TBX5: variants seen among roughly 807,000 people sequenced by gnomAD.
TBX5 encodes the protein T-box transcription factor TBX5.
Under a neutral mutation model 51.1 loss-of-function variants are expected in TBX5, and 8 were observed. The observed-to-expected ratio is 0.16, with a 90% CI of 0.09 to 0.28. The LOEUF is 0.28. Ranked by LOEUF, TBX5 falls within the 10% of genes least tolerant of loss-of-function variation. The pLI is 1.00. For missense variants in TBX5, 589 were observed against 671.7 expected (o/e 0.88, Z 1.36); for synonymous variants, 302 against 266.4 (o/e 1.13, Z -1.30).
At chr12:114,376,105 G>A (rs990121611) in intron 7 of TBX5, among the ~76,000 whole-genome samples, 5 of 151,986 alleles carry the variant, frequency 3.3e-5, no homozygotes, top group African/African-American at 1.2e-4. Context: ...AGGGATATAT[G>A]TATATCCCTC....
chr12:114,375,489 C>T (rs909277639), intron 7 of TBX5, among the ~76,000 whole-genome samples: 4 of 152,112 alleles, frequency 2.6e-5, no homozygotes, highest in African/African-American at 9.7e-5. Flanking sequence ...CCTGAATAGA[C>T]ATTTCTCAAA....
intron 6 of TBX5, among the ~76,000 whole-genome samples, chr12:114,386,263 T>C (rs547908231): frequency 6.6e-6 from 1 of 152,220 alleles, no homozygotes; most frequent in South Asian, 2.1e-4. Context: ...CAGAACAGGG[T>C]CTTTTTGCAC....
At chr12:114,400,972 G>A (rs944637931) in intron 3 of TBX5, among the ~76,000 whole-genome samples, 111 of 152,332 alleles carry the variant, frequency 7.3e-4, no homozygotes, top group African/African-American at 2.6e-3. Flanking sequence ...CCGTTCGCCT[G>A]CTCCACACGC....
In TBX5 at chr12:114,355,976, C is replaced by T. The variant is rs757158327; in HGVS notation, c.1113G>A (p.Glu371=). The T allele has an allele frequency of 5.9e-5, 96 of 1,614,016 alleles. No individual in the cohort carries two copies. The highest frequency in any genetic ancestry group is 8.1e-5 in the Non-Finnish European group (95 of 1,180,056). ...ACATGCAAGCTTGCCGCTGTGCCGA[C>T]TCTGTCCTGTAGGAGGCACCCAGGC... ...QQGLGASYRT[E]SAQRQACMYA... Residue 371 remains glutamate (E), a synonymous_variant, in exon 9 of 9, where the codon GAG becomes GAA. Coordinates refer to ENST00000405440, the MANE Select transcript of TBX5 (RefSeq NM_181486.4).
chr12:114,366,225 G>A lies in TBX5; in HGVS notation c.922C>T (p.Pro308Ser), dbSNP rs760334883. Residue 308 changes from proline to serine, a missense_variant, in exon 8 of 9, where the codon CCC becomes TCC. By Grantham distance (74) the Pro-to-Ser change is moderately conservative. Coordinates refer to ENST00000405440, the MANE Select transcript of TBX5 (RefSeq NM_181486.4). ...SGPSQDLLPPPNPYPLPQEHS... is the reference protein window; with the variant it reads ...SGPSQDLLPPSNPYPLPQEHS... ...TCCTGGGGCAGTGGGTATGGGTTGGGTGGAGGCAGGAGGTCCTGGGAGGGG... is the reference window on the plus strand; with the variant it reads ...TCCTGGGGCAGTGGGTATGGGTTGGATGGAGGCAGGAGGTCCTGGGAGGGG... 2.5e-6 allele frequency: 4 copies of A among 1,613,998 alleles called. No homozygotes were observed. Among genetic ancestry groups the A allele is most frequent in the Non-Finnish European group, 1.7e-6 (2 of 1,180,036 alleles).
At chr12:114,361,081 C>G (rs1869215336) in intron 8 of TBX5, among the ~76,000 whole-genome samples, 1 of 152,108 alleles carries the variant, frequency 6.6e-6, no homozygotes, top group Admixed American at 6.5e-5. Flanking sequence ...ACATTAAGTG[C>G]TCAATAAATA....
At chr12:114,403,645 GT>G (rs914342404) in intron 2 of TBX5, 106 bp downstream of exon 2, 251 of 1,496,264 alleles carry the variant, frequency 1.7e-4, no homozygotes, top group Non-Finnish European at 2.2e-4. Flanking sequence ...TCGTTTTGGG[GT>G]TTTTTTATTT....
intron 2 of TBX5, 24 bp from the exon 3 acceptor site, chr12:114,401,944 C>T (rs760135488): frequency 6.2e-7 from 1 of 1,606,426 alleles, no homozygotes; most frequent in Non-Finnish European, 8.5e-7. Flanking sequence ...AAAAAAGTCA[C>T]ACTAACAAGC....
chr12:114,387,907 G>C (rs1870910128), intron 6 of TBX5, among the ~76,000 whole-genome samples: 1 of 152,208 alleles, frequency 6.6e-6, no homozygotes, highest in Admixed American at 6.5e-5. Flanking sequence ...TGCGAACATA[G>C]CTCACTGCAG....
chr12:114,368,852 C>G (rs1869701048), intron 7 of TBX5, among the ~76,000 whole-genome samples: 1 of 152,116 alleles, frequency 6.6e-6, no homozygotes, highest in Admixed American at 6.5e-5. Context: ...ACCCAGGGGT[C>G]TCCTAGCCCA....
At chr12:114,390,852 C>G (rs1593871699) in intron 6 of TBX5, among the ~76,000 whole-genome samples, 1 of 152,196 alleles carries the variant, frequency 6.6e-6, no homozygotes, top group South Asian at 2.1e-4. Context: ...GAAAACTTTA[C>G]AAAAACGTGT....
At position 114,371,386 on chromosome 12, in the gene TBX5, C is replaced by T. The variant is rs1361799638; in HGVS notation, c.756-4995G>A. On this transcript the variant is annotated intron_variant, in intron 7 of 8. Coordinates refer to ENST00000405440, the MANE Select transcript of TBX5 (RefSeq NM_181486.4). ...TCTCTCATGTTCTGTTCCACGTGAG[C>T]GAGTGCAATGAATGACGCCATTGTC... Among the ~76,000 whole-genome samples, 4 of 152,172 alleles carry T rather than the reference C, an allele frequency of 2.6e-5. No homozygotes were observed. The East Asian group carries it at 5.8e-4, about 22-fold the overall frequency.
At chr12:114,404,072 A>G (rs1282423013) in intron 1 of TBX5, 136 bp from the exon 2 acceptor site, 2 of 827,324 alleles carry the variant, frequency 2.4e-6, no homozygotes, top group African/African-American at 3.4e-5. Flanking sequence ...CTCCGTTCCC[A>G]GCCGAAGGTG....
At chr12:114,372,647 A>G (rs748410888) in intron 7 of TBX5, among the ~76,000 whole-genome samples, 1 of 152,040 alleles carries the variant, frequency 6.6e-6, no homozygotes, top group Non-Finnish European at 1.5e-5. Flanking sequence ...ATATGATTTG[A>G]GGGGTGCCAA....
intron 3 of TBX5, 150 bp from the exon 4 acceptor site, chr12:114,399,782 G>T: frequency 7.5e-7 from 1 of 1,332,742 alleles, no homozygotes; most frequent in South Asian, 1.3e-5. Flanking sequence ...GATCCATCCC[G>T]GGTTTCCCTT....
At position 114,355,727 on chromosome 12, in the gene TBX5, C is replaced by T. The variant is rs971831243; in HGVS notation, c.1362G>A (p.Met454Ile). The T allele has an allele frequency of 1.2e-6, 2 of 1,614,188 alleles. No individual in the cohort carries two copies. Among genetic ancestry groups the T allele is most frequent in the Admixed American group, 1.7e-5 (1 of 60,024 alleles). Residue 454 changes from methionine to isoleucine, a missense_variant, in exon 9 of 9, where the codon ATG (methionine) becomes ATA (isoleucine). By Grantham distance (10) the Met-to-Ile change is conservative. Around this residue, in one of 7 missense-constraint regions of TBX5, gnomAD observed 348 missense variants for 360.4 expected, o/e 0.97. Transcript: ENST00000405440. ...NHGSPQLGEG[M>I]FQHQTSVAHQ... ...GGGCCACGGAGGTCTGGTGCTGGAA[C>T]ATTCCCTCTCCCAGCTGTGGGGAGC... is the stretch of plus-strand genomic sequence containing the variant.
intron 8 of TBX5, among the ~76,000 whole-genome samples, chr12:114,364,400 A>AT (rs1452117317): frequency 1.3e-5 from 2 of 152,152 alleles, no homozygotes; most frequent in African/African-American, 4.8e-5. Context: ...GATGTGTATG[A>AT]TTTTTTGACA....
upstream of TBX5, chr12:114,407,756 A>C (rs1434100539): frequency 1.0e-6 from 1 of 985,330 alleles, no homozygotes; most frequent in African/African-American, 1.7e-5. Context: ...AAAGCCAAGG[A>C]GGGCCAAGTG....
In TBX5 at chr12:114,406,026, C is replaced by G; in HGVS notation, c.-437G>C. On this transcript the variant is annotated 5_prime_UTR_variant, in exon 1 of 9. Transcript: ENST00000405440. ...GCGCAGCTTTCAGGATTAAAGTTCCCGGATTCGAGGTAAGAGTCAGTCTCT... is the reference window on the plus strand; with the variant it reads ...GCGCAGCTTTCAGGATTAAAGTTCCGGGATTCGAGGTAAGAGTCAGTCTCT... 1.0e-6 allele frequency: 1 copy of G among 985,334 alleles called. No individual in the cohort carries two copies. The allele number at this position is 985,334 out of a possible 1,614,324, so 61.0% of individuals were successfully genotyped here.
Sources: gnomAD v4.1 joint callset for allele counts (sites outside exome capture counted in the v4.1 genomes callset) on GRCh38, gnomAD v4.1.1 for gene constraint, gnomAD v4.1.1 regional missense constraint, MANE v1.5 for transcripts, NCBI Gene and HGNC (gene_info 2026-07-23, HGNC 2026-07-21) for gene names.